The following CIB4 variants were observed in gnomAD, a reference collection of about 807,000 sequenced individuals.
CIB4 encodes the protein calcium and integrin-binding family member 4.
A neutral mutation model predicts 25.8 loss-of-function variants in CIB4; 25 were observed. The observed-to-expected ratio is 0.97, with a 90% CI of 0.71 to 1.35. The LOEUF (loss-of-function observed/expected upper bound fraction) is 1.35. Ranked by LOEUF, CIB4 falls within the 40% of genes most tolerant of loss-of-function variation. CIB4 has a pLI of 0.00. For synonymous variants in CIB4, 75 were observed against 81.4 expected (o/e 0.92, Z 0.42); for missense variants, 235 against 228.2 (o/e 1.03, Z -0.19).
chr2:26,602,078 G>A (rs1370639646), intron 3 of CIB4, among the ~76,000 whole-genome samples: 3 of 152,162 alleles, frequency 2.0e-5, no homozygotes, highest in Non-Finnish European at 4.4e-5. Flanking sequence ...TGCATTTCTG[G>A]AAACCCATAG....
At chr2:26,628,840 G>A (rs747809051) in intron 3 of CIB4, among the ~76,000 whole-genome samples, 4 of 152,328 alleles carry the variant, frequency 2.6e-5, no homozygotes, top group East Asian at 3.9e-4. Flanking sequence ...GGACTGGGCC[G>A]ATGGCTAGGG....
intron 1 of CIB4, 123 bp from the exon 2 acceptor site, chr2:26,640,690 A>T (rs1332242729): frequency 9.6e-7 from 1 of 1,042,332 alleles, no homozygotes; most frequent in Non-Finnish European, 1.4e-6. Context: ...AGCTGGGGGA[A>T]CCCCAGGTTG....
chr2:26,601,042 A>C (rs1668772935), intron 3 of CIB4, among the ~76,000 whole-genome samples: 2 of 151,786 alleles, frequency 1.3e-5, no homozygotes, highest in South Asian at 2.1e-4. Flanking sequence ...CAACATAATG[A>C]GACCCTGTCT....
chr2:26,593,847 G>A (rs546300538), intron 4 of CIB4, among the ~76,000 whole-genome samples: 29 of 152,296 alleles, frequency 1.9e-4, no homozygotes, highest in African/African-American at 6.7e-4. Flanking sequence ...GTTTGCCCTC[G>A]TGTATGTGGT....
intron 5 of CIB4, 120 bp from the exon 6 acceptor site, chr2:26,583,033 C>T: frequency 3.1e-6 from 2 of 635,702 alleles, no homozygotes; most frequent in South Asian, 2.0e-5. Flanking sequence ...ACACTTGTCT[C>T]CTGGGTCCCC....
chr2:26,586,085 C>T (rs1160536110), intron 4 of CIB4, among the ~76,000 whole-genome samples: 5 of 152,230 alleles, frequency 3.3e-5, no homozygotes, highest in Non-Finnish European at 7.3e-5. Flanking sequence ...CTCTCCAGCT[C>T]ACCCTGGCAG....
intron 4 of CIB4, among the ~76,000 whole-genome samples, chr2:26,588,589 G>A (rs534692733): frequency 6.6e-6 from 1 of 152,306 alleles, no homozygotes; most frequent in South Asian, 2.1e-4. Flanking sequence ...AGTTTCCCAG[G>A]ACTTTTACAG....
intron 3 of CIB4, among the ~76,000 whole-genome samples, chr2:26,602,737 T>A (rs751727209): frequency 1.3e-5 from 2 of 152,180 alleles, no homozygotes; most frequent in African/African-American, 4.8e-5. Context: ...GTCATGTTGA[T>A]GTCAGGTATC....
At chr2:26,625,286 C>A (rs1320482552) in intron 3 of CIB4, among the ~76,000 whole-genome samples, 2 of 151,460 alleles carry the variant, frequency 1.3e-5, no homozygotes, top group Non-Finnish European at 2.9e-5. Flanking sequence ...GAGAAACCTG[C>A]ATGTGCTTGT....
Position 26,589,053 on chromosome 2 carries a change from CT to C in CIB4, c.329-5156del, listed in dbSNP as rs1217765017. Among the ~76,000 whole-genome samples, 86 of 51,080 alleles carry C rather than the reference CT, an allele frequency of 1.7e-3. 4 individuals carry two copies. Among genetic ancestry groups the C allele is most frequent in the African/African-American group, 2.2e-3 (27 of 12,048 alleles). 33.5% of individuals were successfully genotyped at this position (51,080 alleles called of 152,430 possible). A position where few individuals can be genotyped will look rare whatever the true frequency, so the allele number is the denominator to read the frequency against. ...TCTTCTTCTTCTTCTTCTTCTTCTTCTTCTTCCTCTTCCTCTTCCTCTTCTT... is the reference window on the plus strand; with the variant it reads ...TCTTCTTCTTCTTCTTCTTCTTCTTCTCTTCCTCTTCCTCTTCCTCTTCTT... On this transcript the variant is annotated intron_variant, in intron 4 of 6. Coordinates refer to ENST00000288861, the MANE Select transcript of CIB4 (RefSeq NM_001029881.3).
At chr2:26,638,101 G>A (rs1669567739) in intron 2 of CIB4, among the ~76,000 whole-genome samples, 1 of 152,200 alleles carries the variant, frequency 6.6e-6, no homozygotes. Context: ...CTCAGGAATG[G>A]GTCTCTCAAG....
At chr2:26,634,177 C>A (rs747203997) in intron 2 of CIB4, among the ~76,000 whole-genome samples, 6 of 152,154 alleles carry the variant, frequency 3.9e-5, no homozygotes, top group Non-Finnish European at 8.8e-5. Flanking sequence ...TTTCTACTGC[C>A]CCAGAGAGAT....
intron 3 of CIB4, among the ~76,000 whole-genome samples, chr2:26,608,884 T>C (rs1668944616): frequency 6.6e-6 from 1 of 151,568 alleles, no homozygotes; most frequent in Admixed American, 6.6e-5. Flanking sequence ...CACCTCTCCC[T>C]CTCTTGCTCT....
At chr2:26,614,201 C>A (rs1018561224) in intron 3 of CIB4, among the ~76,000 whole-genome samples, 6 of 152,158 alleles carry the variant, frequency 3.9e-5, no homozygotes, top group Admixed American at 3.9e-4. Context: ...ATGAAGTTAT[C>A]AGAAAAGACA....
chr2:26,589,441 C>G (rs535898913), intron 4 of CIB4, among the ~76,000 whole-genome samples: 1 of 152,198 alleles, frequency 6.6e-6, no homozygotes, highest in African/African-American at 2.4e-5. Flanking sequence ...CTTGCCTCAG[C>G]CTCCTGAGTA....
At chr2:26,631,391 TG>T (rs1472518111) in intron 2 of CIB4, among the ~76,000 whole-genome samples, 3 of 152,176 alleles carry the variant, frequency 2.0e-5, no homozygotes. Context: ...GGAGGATCAC[TG>T]GATCCCAGGA....
chr2:26,614,477 C>A (rs777922330), intron 3 of CIB4, among the ~76,000 whole-genome samples: 14 of 152,176 alleles, frequency 9.2e-5, no homozygotes, highest in Non-Finnish European at 1.9e-4. Context: ...GGAGGAGGCT[C>A]CTCCTCTGGA....
intron 3 of CIB4, among the ~76,000 whole-genome samples, chr2:26,622,711 G>T (rs1028395017): frequency 6.6e-6 from 1 of 152,146 alleles, no homozygotes; most frequent in Non-Finnish European, 1.5e-5. Flanking sequence ...GGCCAGGTGA[G>T]GTGGCTCACA....
chr2:26,641,344 T>G lies in CIB4; in HGVS notation c.-30A>C, dbSNP rs774674937. 1 of 1,603,910 alleles carries G rather than the reference T, an allele frequency of 6.2e-7. No homozygotes were observed. The highest frequency in any genetic ancestry group is 1.1e-5 in the South Asian group (1 of 90,888). Reference sequence around the variant, plus strand: ...ACCACACCTTTCTGTCTGCCAGCAGTAGAACCTCAGCCTCAAGGACTCGCC... The same window carrying G: ...ACCACACCTTTCTGTCTGCCAGCAGGAGAACCTCAGCCTCAAGGACTCGCC... On this transcript the variant is annotated 5_prime_UTR_variant, in exon 1 of 7. Coordinates refer to ENST00000288861, the MANE Select transcript of CIB4 (RefSeq NM_001029881.3).
Sources: gnomAD v4.1 joint callset for allele counts (sites outside exome capture counted in the v4.1 genomes callset) on GRCh38, gnomAD v4.1.1 for gene constraint, MANE v1.5 for transcripts, NCBI Gene and HGNC (gene_info 2026-07-23, HGNC 2026-07-21) for gene names.